The following TATDN1 variants were observed in gnomAD, a reference collection of about 807,000 sequenced individuals.
TATDN1 encodes deoxyribonuclease TATDN1.
Under a neutral mutation model 46.4 loss-of-function variants are expected in TATDN1, and 40 were observed. That is an observed-to-expected ratio of 0.86 (90% CI 0.67 to 1.12). TATDN1 has a LOEUF of 1.12. Ranked by LOEUF, TATDN1 falls within the 50% of genes most tolerant of loss-of-function variation. The probability of loss-of-function intolerance (pLI) is 0.00; values close to 1 mark genes in which losing one functional copy is unlikely to be tolerated. For synonymous variants in TATDN1, 95 were observed against 105.6 expected (o/e 0.90, Z 0.62); for missense variants, 326 against 348.4 (o/e 0.94, Z 0.51).
intron 2 of TATDN1, 140 bp downstream of exon 2, chr8:124,522,794 ATCC>A: frequency 1.4e-6 from 1 of 722,238 alleles, no homozygotes; most frequent in Non-Finnish European, 2.5e-6. Flanking sequence ...AGCTCAGGCA[ATCC>A]TCCTGCCTCA....
intron 1 of TATDN1, among the ~76,000 whole-genome samples, chr8:124,526,334 G>C (rs1164347861): frequency 6.6e-6 from 1 of 152,160 alleles, no homozygotes; most frequent in Non-Finnish European, 1.5e-5. Context: ...ATTTGAGGTT[G>C]ACAATAGTAT....
intron 8 of TATDN1, among the ~76,000 whole-genome samples, chr8:124,507,078 C>A (rs1488175106): frequency 2.6e-5 from 4 of 151,930 alleles, no homozygotes; most frequent in Non-Finnish European, 4.4e-5. Context: ...AGGAGAATTG[C>A]TTGAACCCAG....
intron 6 of TATDN1, among the ~76,000 whole-genome samples, chr8:124,511,642 T>C (rs1819026577): frequency 6.6e-6 from 1 of 152,140 alleles, no homozygotes; most frequent in Non-Finnish European, 1.5e-5. Context: ...TTTCACTCTT[T>C]GCTTCTCTTT....
At chr8:124,533,505 TGTGAAACTGGTCAGCTGTCATG>T (rs1821153299) in intron 1 of TATDN1, among the ~76,000 whole-genome samples, 1 of 152,116 alleles carries the variant, frequency 6.6e-6, no homozygotes, top group African/African-American at 2.4e-5. Flanking sequence ...AGGAATGCCT[TGTGAAACTGGTCAGCTGTCATG>T]GTGAAACTGC....
intron 4 of TATDN1, among the ~76,000 whole-genome samples, chr8:124,517,121 T>C (rs1819541672): frequency 6.6e-6 from 1 of 152,192 alleles, no homozygotes; most frequent in South Asian, 2.1e-4. Context: ...ATAGTCTATC[T>C]TTAATCACTA....
chr8:124,498,764 C>T (rs984416690), intron 9 of TATDN1, among the ~76,000 whole-genome samples: 14 of 152,068 alleles, frequency 9.2e-5, no homozygotes, highest in African/African-American at 3.4e-4. Flanking sequence ...AATTCTCCTG[C>T]CTCAGCCTCC....
At position 124,533,397 on chromosome 8, in the gene TATDN1, T is replaced by C. The variant is rs146273310; in HGVS notation, c.22+5628A>G. Among the ~76,000 whole-genome samples the C allele has an allele frequency of 5.8e-4, 89 of 152,240 alleles. No homozygotes were observed. In the East Asian group the frequency reaches 0.016, roughly 27 times the overall value. ...AGGGGACAGGTGCAAAGGGCCTAAA[T>C]TGAATGAGAAACATATACAACGAGA... On this transcript the variant is annotated intron_variant, in intron 1 of 11. Coordinates refer to ENST00000276692, the MANE Select transcript of TATDN1 (RefSeq NM_032026.4).
chr8:124,530,902 C>T (rs891299060), intron 1 of TATDN1, among the ~76,000 whole-genome samples: 3 of 152,126 alleles, frequency 2.0e-5, no homozygotes, highest in East Asian at 1.9e-4. Flanking sequence ...ACTGAAGTCT[C>T]GTGTAGAGAC....
chr8:124,501,913 G>C (rs1043338626), intron 9 of TATDN1, among the ~76,000 whole-genome samples: 9 of 152,102 alleles, frequency 5.9e-5, no homozygotes, highest in African/African-American at 1.9e-4. Flanking sequence ...AAGAAAACTA[G>C]GTCACAGGTA....
rs200192061 is a variant in TATDN1 at position 124,490,510 on chromosome 8, C to CA, written c.792-1815dup. On this transcript the variant is annotated intron_variant, in intron 11 of 11. Transcript: ENST00000276692. Reference sequence around the variant, plus strand: ...GGGCAACAGAGCGAGACTCTCTCTCCAAAAAAAAGAAAAAAGAAAAAAAAA... The same window carrying CA: ...GGGCAACAGAGCGAGACTCTCTCTCCAAAAAAAAAGAAAAAAGAAAAAAAAA... 7.5e-3 allele frequency among the ~76,000 whole-genome samples: 1,127 copies of CA among 149,294 alleles called. 15 individuals carry two copies. The highest frequency in any genetic ancestry group is 0.025 in the African/African-American group (1,018 of 40,620).
At chr8:124,517,323 G>A (rs1267863209) in intron 4 of TATDN1, among the ~76,000 whole-genome samples, 1 of 151,988 alleles carries the variant, frequency 6.6e-6, no homozygotes, top group Non-Finnish European at 1.5e-5. Flanking sequence ...AGCTACTCAG[G>A]AGGCTGAGGC....
In TATDN1 at chr8:124,495,607, A is replaced by G. The variant is rs561825590; in HGVS notation, c.594-65T>C. The G allele has an allele frequency of 9.3e-6, 12 of 1,296,352 alleles. No homozygotes were observed. The African/African-American group carries it at 1.8e-4, about 19-fold the overall frequency. 80.3% of individuals were successfully genotyped at this position (1,296,352 alleles called of 1,614,324 possible). A position where few individuals can be genotyped will look rare whatever the true frequency, so the allele number is the denominator to read the frequency against. On this transcript the variant is annotated intron_variant, in intron 9 of 11. Transcript: ENST00000276692. ...TAACGAATACCTTTTTTCGTATCACAACTTGTCTAAAATGCTACAAAACCA... is the reference window on the plus strand; with the variant it reads ...TAACGAATACCTTTTTTCGTATCACGACTTGTCTAAAATGCTACAAAACCA...
chr8:124,502,456 C>G (rs1416704612), intron 9 of TATDN1, among the ~76,000 whole-genome samples: 1 of 151,826 alleles, frequency 6.6e-6, no homozygotes, highest in South Asian at 2.1e-4. Context: ...GTATTTCAAA[C>G]TTGACTTCAG....
rs1563681928 is a variant in TATDN1, at chr8:124,523,138, C to T, written c.23-136G>A. 17 of 682,816 alleles carry T rather than the reference C, an allele frequency of 2.5e-5. No individual in the cohort carries two copies. The East Asian group carries it at 4.4e-4, about 18-fold the overall frequency. 42.3% of individuals were successfully genotyped at this position (682,816 alleles called of 1,614,324 possible). A position where few individuals can be genotyped will look rare whatever the true frequency, so the allele number is the denominator to read the frequency against. ...CAATATCCAAGTGCCTACCACTTGT[C>T]AACTACTGTGCTAGAAACATGGGAT... On this transcript the variant is annotated intron_variant, in intron 1 of 11. Coordinates refer to ENST00000276692, the MANE Select transcript of TATDN1 (RefSeq NM_032026.4).
chr8:124,504,883 AT>A (rs1345964054), intron 8 of TATDN1, among the ~76,000 whole-genome samples: 1 of 149,890 alleles, frequency 6.7e-6, no homozygotes, highest in African/African-American at 2.5e-5. Context: ...AGTAGCTGGG[AT>A]TACAAGCATG....
chr8:124,517,425 C>CAAAAAAAA (rs540696612), intron 4 of TATDN1, among the ~76,000 whole-genome samples: 5 of 67,188 alleles, frequency 7.4e-5, no homozygotes, highest in Non-Finnish European at 2.9e-5. Flanking sequence ...AAGACTGTCT[C>CAAAAAAAA]AAAAAAAAAA....
In TATDN1 at chr8:124,506,442, C is replaced by T. The variant is rs543634660; in HGVS notation, c.516+2032G>A. Among the ~76,000 whole-genome samples, 28 of 151,738 alleles carry T rather than the reference C, an allele frequency of 1.8e-4. No individual in the cohort carries two copies. In the East Asian group the frequency reaches 1.9e-3, roughly 10 times the overall value. On this transcript the variant is annotated intron_variant, in intron 8 of 11. Transcript: ENST00000276692. ...GGATAAATACCACTAATAATCCCAA[C>T]GGCATTAGTTAAAACTAAAACCCCT...
chr8:124,518,380 C>T (rs1039643595), intron 4 of TATDN1, among the ~76,000 whole-genome samples: 1 of 147,120 alleles, frequency 6.8e-6, no homozygotes. Context: ...AAAAATTAGC[C>T]TGGCGTGGTG....
chr8:124,498,988 T>A (rs943516946), intron 9 of TATDN1, among the ~76,000 whole-genome samples: 1 of 142,638 alleles, frequency 7.0e-6, no homozygotes, highest in Non-Finnish European at 1.5e-5. Flanking sequence ...GAGATGGGGG[T>A]CTCATTATGT....
Sources: gnomAD v4.1 joint callset for allele counts (sites outside exome capture counted in the v4.1 genomes callset) on GRCh38, gnomAD v4.1.1 for gene constraint, MANE v1.5 for transcripts, NCBI Gene and HGNC (gene_info 2026-07-23, HGNC 2026-07-21) for gene names.